The following NWD2 variants were observed in gnomAD, a reference collection of about 807,000 sequenced individuals.
The protein encoded by NWD2 is NACHT and WD repeat domain containing 2, also known as NACHT and WD repeat domain-containing protein 2.
NWD2 carries 37 observed loss-of-function variants against 132.7 expected under a neutral mutation model. That is an observed-to-expected ratio of 0.28 (90% confidence interval 0.21 to 0.37). The LOEUF is 0.37. Among genes scored for constraint, NWD2 ranks in the 10% least tolerant of loss-of-function variants. NWD2 has a pLI of 1.00. For missense variants in NWD2, 1,592 were observed against 2,122.4 expected, an observed-to-expected ratio of 0.75 and a Z score of 4.91; for synonymous variants, 705 against 803.0, an observed-to-expected ratio of 0.88 and a Z score of 2.06.
At chr4:37,441,516 C>T (rs1712484109) in intron 6 of NWD2, among the ~76,000 whole-genome samples, 2 of 152,196 alleles carry the variant, frequency 1.3e-5, no homozygotes, top group East Asian at 1.9e-4. Context: ...CATGCTCTAG[C>T]ACAAGAGGTC....
rs556268404 is a variant in NWD2, at chr4:37,285,105, C to T, written c.151+39887C>T. 1.0e-3 allele frequency among the ~76,000 whole-genome samples: 157 copies of T among 152,224 alleles called. 1 individual carries two copies. The highest frequency in any genetic ancestry group is 3.4e-3 in the African/African-American group (142 of 41,524). ...GTTAACACTCGTTTCTACACCCAGC[C>T]CCTTTCACTCCCCACATCCTCATTT... On this transcript the variant is annotated intron_variant, in intron 1 of 6. Coordinates refer to ENST00000309447, the MANE Select transcript of NWD2 (RefSeq NM_001144990.2).
chr4:37,436,232 A>C (rs1199482151), intron 5 of NWD2, among the ~76,000 whole-genome samples: 1 of 152,220 alleles, frequency 6.6e-6, no homozygotes, highest in Non-Finnish European at 1.5e-5. Flanking sequence ...ATTAAGGAAC[A>C]TGCAAAAACA....
chr4:37,427,448 GT>G (rs906261285), intron 3 of NWD2, among the ~76,000 whole-genome samples: 1 of 152,194 alleles, frequency 6.6e-6, no homozygotes, highest in African/African-American at 2.4e-5. Context: ...ACCATTAGAA[GT>G]TGGGAAACAA....
chr4:37,273,655 T>C (rs1717923836), intron 1 of NWD2, among the ~76,000 whole-genome samples: 1 of 152,098 alleles, frequency 6.6e-6, no homozygotes, highest in Non-Finnish European at 1.5e-5. Context: ...ATCGCACTTA[T>C]TCCAAAATTG....
chr4:37,360,135 A>G (rs1719950286), intron 3 of NWD2, among the ~76,000 whole-genome samples: 1 of 152,206 alleles, frequency 6.6e-6, no homozygotes, highest in South Asian at 2.1e-4. Flanking sequence ...GAAAATAATA[A>G]CAATAAACTA....
rs559062705 is a variant in NWD2, at chr4:37,269,380, A to C, written c.151+24162A>C. On this transcript the variant is annotated intron_variant, in intron 1 of 6. Transcript: ENST00000309447. The stretch of plus-strand genomic sequence containing the variant: ...TGGAAGCTTAGTTTACAGTCTTATA[A>C]TCTTTTTATGAGATAAGATTTATAT... Among the ~76,000 whole-genome samples, 3 of 151,978 alleles carry C rather than the reference A, an allele frequency of 2.0e-5. No homozygotes were observed. In the South Asian group the frequency reaches 6.2e-4, roughly 31 times the overall value.
Position 37,446,819 on chromosome 4 carries a change from G to A in NWD2, c.4831G>A (p.Gly1611Ser), listed in dbSNP as rs766845348. 1.6e-5 allele frequency: 25 copies of A among 1,551,740 alleles called. No individual in the cohort carries two copies. The highest frequency in any genetic ancestry group is 2.1e-5 in the Non-Finnish European group (24 of 1,147,026). Residue 1611 changes from glycine to serine, a missense_variant, in exon 7 of 7, where the codon GGT becomes AGT. This residue lies in a region of NWD2 where 257 missense variants were observed against 335.0 expected (regional missense o/e 0.77). Coordinates refer to ENST00000309447, the MANE Select transcript of NWD2 (RefSeq NM_001144990.2). The surrounding 1 kb of genome is among the most constrained non-coding windows in gnomAD (Gnocchi z 6.7). ...VMRLADGKNI[G>S]ACSLYKTPTF... ...GAGACTGGCAGATGGCAAAAATATC[G>A]GTGCTTGTTCCCTTTACAAAACACC...
At chr4:37,348,023 T>C (rs1273467377) in intron 2 of NWD2, among the ~76,000 whole-genome samples, 1 of 152,210 alleles carries the variant, frequency 6.6e-6, no homozygotes, top group Non-Finnish European at 1.5e-5. Context: ...ATGATTTCAG[T>C]ATGTTATCAC....
At chr4:37,259,259 G>A (rs1217981408) in intron 1 of NWD2, among the ~76,000 whole-genome samples, 1 of 152,132 alleles carries the variant, frequency 6.6e-6, no homozygotes, top group Non-Finnish European at 1.5e-5. Context: ...CAGTTATGTG[G>A]ATTCAATTCT....
At chr4:37,410,017 G>A (rs1309363673) in intron 3 of NWD2, among the ~76,000 whole-genome samples, 1 of 152,140 alleles carries the variant, frequency 6.6e-6, no homozygotes, top group Admixed American at 6.5e-5. Context: ...CACTAAACAT[G>A]GAAAGGAACA....
chr4:37,443,808 G>A lies in NWD2; in HGVS notation c.1820G>A (p.Cys607Tyr). 1 of 1,552,096 alleles carries A rather than the reference G, an allele frequency of 6.4e-7. No individual in the cohort carries two copies. The highest frequency in any genetic ancestry group is 8.7e-7 in the Non-Finnish European group (1 of 1,147,102). The change falls in exon 7 of 7, where the codon TGC (cysteine) becomes TAC (tyrosine). Residue 607 changes from cysteine (C) to tyrosine (Y), a missense_variant. Cys to Tyr is a radical substitution (Grantham distance 194, BLOSUM62 -2). Around this residue, in one of 7 missense-constraint regions of NWD2, gnomAD observed 1,071 missense variants for 1,398.0 expected, o/e 0.77. Transcript: ENST00000309447. The surrounding 1 kb of genome is among the most constrained non-coding windows in gnomAD (Gnocchi z 4.1). ...TATGTGAACAATGCATTATCCAAGT[G>A]CACACTGCCAATGTTTGTGAACCTG... is the stretch of plus-strand genomic sequence containing the variant. The part of the protein sequence containing the change: ...QIYVNNALSK[C>Y]TLPMFVNLTF...
intron 2 of NWD2, among the ~76,000 whole-genome samples, chr4:37,332,367 G>T (rs1663551322): frequency 6.6e-6 from 1 of 151,808 alleles, no homozygotes; most frequent in Non-Finnish European, 1.5e-5. Context: ...ATAATGCACT[G>T]GGCAGAGTCC....
At chr4:37,310,861 C>T (rs577118455) in intron 1 of NWD2, among the ~76,000 whole-genome samples, 8 of 144,814 alleles carry the variant, frequency 5.5e-5, no homozygotes, top group Non-Finnish European at 1.2e-4. Flanking sequence ...TCAATTCCCA[C>T]CTATGAGTGA....
chr4:37,251,871 C>G (rs1467748985), intron 1 of NWD2, among the ~76,000 whole-genome samples: 1 of 152,180 alleles, frequency 6.6e-6, no homozygotes, highest in Admixed American at 6.5e-5. Context: ...ATTCACGAAG[C>G]AACTACTCTA....
At chr4:37,425,617 G>A (rs939147023) in intron 3 of NWD2, among the ~76,000 whole-genome samples, 1 of 152,200 alleles carries the variant, frequency 6.6e-6, no homozygotes, top group Non-Finnish European at 1.5e-5. Flanking sequence ...GTCATAGGCA[G>A]ATGGATCAAC....
chr4:37,333,272 A>G (rs1194952092), intron 2 of NWD2, among the ~76,000 whole-genome samples: 1 of 152,158 alleles, frequency 6.6e-6, no homozygotes, highest in Non-Finnish European at 1.5e-5. Context: ...GTGGTTATCA[A>G]GGGCCTTGAT....
intron 3 of NWD2, among the ~76,000 whole-genome samples, chr4:37,417,262 G>C (rs938398423): frequency 1.3e-5 from 2 of 151,944 alleles, no homozygotes; most frequent in Non-Finnish European, 2.9e-5. Context: ...AGAAATTGAT[G>C]GTGAAAATGT....
intron 2 of NWD2, among the ~76,000 whole-genome samples, chr4:37,354,144 C>T (rs980886043): frequency 9.2e-5 from 14 of 152,208 alleles, no homozygotes; most frequent in African/African-American, 3.4e-4. Flanking sequence ...CCACTCCAGA[C>T]TCTGTTTGCC....
intron 2 of NWD2, among the ~76,000 whole-genome samples, chr4:37,335,736 ATGATCTGAGGTGAAAGT>A (rs1719394577): frequency 6.6e-6 from 1 of 151,628 alleles, no homozygotes; most frequent in Non-Finnish European, 1.5e-5. Context: ...CAAATGCCTG[ATGATCTGAGGTGAAAGT>A]TTCATCCCCA....
Sources: gnomAD v4.1 joint callset for allele counts (sites outside exome capture counted in the v4.1 genomes callset) on GRCh38, gnomAD v4.1.1 for gene constraint, gnomAD v4.1.1 regional missense constraint, Gnocchi (gnomAD v3.1) non-coding constraint, MANE v1.5 for transcripts, NCBI Gene and HGNC (gene_info 2026-07-23, HGNC 2026-07-21) for gene names.